The following ZNF260 variants were observed in gnomAD, a reference collection of about 807,000 sequenced individuals.
The protein encoded by ZNF260 is zfp-260.
A neutral mutation model predicts 29.3 loss-of-function variants in ZNF260; 21 were observed. That is an observed-to-expected ratio of 0.72 (90% CI 0.51 to 1.03). The LOEUF (loss-of-function observed/expected upper bound fraction) is 1.03. Ranked by LOEUF, ZNF260 falls within the 50% of genes least tolerant of loss-of-function variation. The pLI is 0.00. For missense variants in ZNF260, 465 were observed against 487.8 expected (o/e 0.95, Z 0.44); for synonymous variants, 156 against 156.8 (o/e 0.99, Z 0.04).
chr19:36,518,434 T>A (rs551652608), intron 2 of ZNF260, among the ~76,000 whole-genome samples: 1 of 152,118 alleles, frequency 6.6e-6, no homozygotes, highest in Non-Finnish European at 1.5e-5. Flanking sequence ...TGCAATGAAA[T>A]ATTAACAGTG....
intron 2 of ZNF260, among the ~76,000 whole-genome samples, chr19:36,520,689 A>G (rs541851500): frequency 1.3e-5 from 2 of 151,968 alleles, no homozygotes; most frequent in Non-Finnish European, 2.9e-5. Flanking sequence ...CGTCTGTACT[A>G]AAAAGACAAA....
rs776360983 is a variant in ZNF260, at chr19:36,514,585, T to C, written c.654A>G (p.Lys218=). The change falls in exon 3 of 3, where the codon AAA becomes AAG. Residue 218 remains lysine (K), a synonymous_variant. Coordinates refer to ENST00000523638, the MANE Select transcript of ZNF260 (RefSeq NM_001166037.2). ...IIHQRIHTGE[K]PYECKGCGKA... Reference sequence around the variant, plus strand: ...TCCCACACCCTTTACATTCATAAGGTTTCTCTCCAGTATGGATTCTCTGAT... The same window carrying C: ...TCCCACACCCTTTACATTCATAAGGCTTCTCTCCAGTATGGATTCTCTGAT... The C allele has an allele frequency of 6.2e-7, 1 of 1,614,104 alleles. No homozygotes were observed. Among genetic ancestry groups the C allele is most frequent in the South Asian group, 1.1e-5 (1 of 91,078 alleles).
rs2034476532 is a variant in ZNF260, at chr19:36,512,977, C to A, written c.*1023G>T. The A allele has an allele frequency of 6.6e-6, 1 of 152,092 alleles. No individual in the cohort carries two copies. Among genetic ancestry groups the A allele is most frequent in the Non-Finnish European group, 1.5e-5 (1 of 68,004 alleles). 9.4% of individuals were successfully genotyped at this position (152,092 alleles called of 1,614,324 possible). A position where few individuals can be genotyped will look rare whatever the true frequency, so the allele number is the denominator to read the frequency against. On this transcript the variant is annotated 3_prime_UTR_variant, in exon 3 of 3. Coordinates refer to ENST00000523638, the MANE Select transcript of ZNF260 (RefSeq NM_001166037.2). ...CATGGTTTCAGTTACCTGTAGTCAC[C>A]ACAGTTCATAAATAGTTGAGAACAG...
At chr19:36,517,719 G>A (rs1464398877) in intron 2 of ZNF260, among the ~76,000 whole-genome samples, 2 of 152,188 alleles carry the variant, frequency 1.3e-5, no homozygotes, top group Non-Finnish European at 2.9e-5. Context: ...ATCCTAGTAA[G>A]AGAAGAATGA....
intron 2 of ZNF260, among the ~76,000 whole-genome samples, chr19:36,522,576 A>G (rs2034664088): frequency 6.6e-6 from 1 of 152,210 alleles, no homozygotes. Flanking sequence ...TTCACAGTAT[A>G]ATGCTTGAGA....
At position 36,524,517 on chromosome 19, in the gene ZNF260, G is replaced by GTTTTTTTTTTTTTTTTTTTTTTT. The variant is rs61184857; in HGVS notation, c.-462+637_-462+638insAAAAAAAAAAAAAAAAAAAAAAA. Among the ~76,000 whole-genome samples the GTTTTTTTTTTTTTTTTTTTTTTT allele has an allele frequency of 3.4e-3, 308 of 90,836 alleles. 52 individuals carry two copies. Among genetic ancestry groups the GTTTTTTTTTTTTTTTTTTTTTTT allele is most frequent in the Middle Eastern group, 6.0e-3 (1 of 168 alleles). 59.6% of individuals were successfully genotyped at this position (90,836 alleles called of 152,430 possible). A position where few individuals can be genotyped will look rare whatever the true frequency, so the allele number is the denominator to read the frequency against. On this transcript the variant is annotated intron_variant, in intron 2 of 2. Coordinates refer to ENST00000523638, the MANE Select transcript of ZNF260 (RefSeq NM_001166037.2). ...TTTAAAGAAAATAACTTACATGCTA[G>GTTTTTTTTTTTTTTTTTTTTTTT]TTTTTTTTTTTTTTTTTATTGATCA...
intron 1 of ZNF260, among the ~76,000 whole-genome samples, chr19:36,528,018 C>T (rs1300779801): frequency 1.3e-5 from 2 of 152,118 alleles, no homozygotes; most frequent in African/African-American, 2.4e-5. Context: ...CTCACACTCT[C>T]GGTCACCCAC....
chr19:36,516,224 T>C (rs1212535114), intron 2 of ZNF260, among the ~76,000 whole-genome samples: 1 of 152,140 alleles, frequency 6.6e-6, no homozygotes, highest in Non-Finnish European at 1.5e-5. Context: ...AAAGTTCAAA[T>C]ACAAATAACA....
chr19:36,514,765 A>G lies in ZNF260; in HGVS notation c.474T>C (p.His158=), dbSNP rs188285437. The G allele has an allele frequency of 1.2e-4, 194 of 1,613,568 alleles. No homozygotes were observed. The East Asian group carries it at 3.9e-3, about 32-fold the overall frequency. Residue 158 remains histidine (H), a synonymous_variant, in exon 3 of 3, where the codon CAT becomes CAC. Coordinates refer to ENST00000523638, the MANE Select transcript of ZNF260 (RefSeq NM_001166037.2). The part of the protein sequence containing the change: ...KAYLTEHEKI[H]TGEKPFECNQ... ...TACATTCAAATGGTTTTTCTCCAGT[A>G]TGAATTTTCTCATGCTCAGTGAGAT...
chr19:36,527,448 A>G (rs1449553255), intron 1 of ZNF260, among the ~76,000 whole-genome samples: 2 of 152,210 alleles, frequency 1.3e-5, no homozygotes, highest in African/African-American at 2.4e-5. Flanking sequence ...ATCTTTGTAT[A>G]CACAAGAAAA....
At chr19:36,516,140 G>A (rs1043960012) in intron 2 of ZNF260, among the ~76,000 whole-genome samples, 1 of 152,090 alleles carries the variant, frequency 6.6e-6, no homozygotes, top group African/African-American at 2.4e-5. Context: ...CCAAAGTGCT[G>A]GGATTACAGG....
At position 36,514,340 on chromosome 19, in the gene ZNF260, C is replaced by G; in HGVS notation, c.899G>C (p.Gly300Ala). ...YLIKHHNIHTGEKPYECNKCG... is the reference protein window; with the variant it reads ...YLIKHHNIHTAEKPYECNKCG... ...TTTATTACATTCATAGGGTTTCTCT[C>G]CTGTATGAATATTGTGATGTTTAAT... is the stretch of plus-strand genomic sequence containing the variant. The change falls in exon 3 of 3, where the codon GGA (glycine) becomes GCA (alanine). Residue 300 changes from glycine to alanine, a missense_variant. Transcript: ENST00000523638. The G allele has an allele frequency of 2.5e-6, 4 of 1,614,068 alleles. No individual in the cohort carries two copies. The highest frequency in any genetic ancestry group is 1.7e-6 in the Non-Finnish European group (2 of 1,180,000).
intron 2 of ZNF260, among the ~76,000 whole-genome samples, chr19:36,523,708 G>A (rs2034682780): frequency 6.6e-6 from 1 of 151,408 alleles, no homozygotes; most frequent in Admixed American, 6.6e-5. Flanking sequence ...CTCCTGAGTA[G>A]CTGGGATTAC....
At chr19:36,526,107 A>G (rs931697650) in intron 1 of ZNF260, among the ~76,000 whole-genome samples, 1 of 152,206 alleles carries the variant, frequency 6.6e-6, no homozygotes, top group African/African-American at 2.4e-5. Context: ...AATTTAGAGG[A>G]CTAATATTTT....
At position 36,515,671 on chromosome 19, in the gene ZNF260, T is replaced by C. The variant is rs1325118193; in HGVS notation, c.-433A>G. 1.8e-5 allele frequency: 3 copies of C among 163,578 alleles called. No homozygotes were observed. The highest frequency in any genetic ancestry group is 4.8e-5 in the African/African-American group (2 of 41,464). 10.1% of individuals were successfully genotyped at this position (163,578 alleles called of 1,614,324 possible). A position where few individuals can be genotyped will look rare whatever the true frequency, so the allele number is the denominator to read the frequency against. On this transcript the variant is annotated 5_prime_UTR_variant, in exon 3 of 3. The change creates a new upstream start codon in the 5' untranslated region. Coordinates refer to ENST00000523638, the MANE Select transcript of ZNF260 (RefSeq NM_001166037.2). Reference sequence around the variant, plus strand: ...TTACAAGTCTTTCATGTTGCGTCTTTATCTGTTTATAAACTTCCCAGGCTT... The same window carrying C: ...TTACAAGTCTTTCATGTTGCGTCTTCATCTGTTTATAAACTTCCCAGGCTT...
intron 2 of ZNF260, among the ~76,000 whole-genome samples, chr19:36,516,457 C>A (rs2034551368): frequency 6.6e-6 from 1 of 152,102 alleles, no homozygotes; most frequent in South Asian, 2.1e-4. Context: ...ACTAGCCAGG[C>A]ATGGTGCCTG....
Position 36,515,189 on chromosome 19 carries a change from T to A in ZNF260, c.50A>T (p.His17Leu). The A allele has an allele frequency of 6.2e-7, 1 of 1,606,978 alleles. No homozygotes were observed. The highest frequency in any genetic ancestry group is 2.2e-5 in the East Asian group (1 of 44,750). The change falls in exon 3 of 3, where the codon CAT becomes CTT. Residue 17 changes from histidine (H) to leucine (L), a missense_variant. By Grantham distance (99) the His-to-Leu change is moderately conservative (BLOSUM62 -3). Transcript: ENST00000523638. The part of the protein sequence containing the change: ...SLQHESDLLQ[H>L]DQIHTGEKPY... The stretch of plus-strand genomic sequence containing the variant: ...TTTCTCTCCAGTATGAATTTGATCA[T>A]GCTGAAGGAGATCTGATTCATGCTG...
In ZNF260 at chr19:36,521,792, G is replaced by A. The variant is rs1198783515; in HGVS notation, c.-462+3363C>T. On this transcript the variant is annotated intron_variant, in intron 2 of 2. Transcript: ENST00000523638. ...AGGCCGGGTGCGGTGGCTCACGCCT[G>A]TAATCCCAGCACTTTGGGAGGTGGA... 5.3e-5 allele frequency among the ~76,000 whole-genome samples: 8 copies of A among 151,726 alleles called. No individual in the cohort carries two copies. The East Asian group carries it at 1.6e-3, about 30-fold the overall frequency.
At chr19:36,527,085 T>C (rs1001724193) in intron 1 of ZNF260, among the ~76,000 whole-genome samples, 3 of 152,144 alleles carry the variant, frequency 2.0e-5, no homozygotes, top group Non-Finnish European at 4.4e-5. Flanking sequence ...GACTGCACAT[T>C]GGGCAATTAG....
Sources: gnomAD v4.1 joint callset for allele counts (sites outside exome capture counted in the v4.1 genomes callset) on GRCh38, gnomAD v4.1.1 for gene constraint, MANE v1.5 for transcripts, NCBI Gene and HGNC (gene_info 2026-07-23, HGNC 2026-07-21) for gene names.